The following ARHGAP8 variants were observed in gnomAD, a reference collection of about 807,000 sequenced individuals.
The protein encoded by ARHGAP8 is rho GTPase-activating protein 8.
Under a neutral mutation model 46.1 loss-of-function variants are expected in ARHGAP8, and 62 were observed. The ratio of observed to expected loss-of-function variants is 1.34; its 90% CI spans 1.10 to 1.66. ARHGAP8 has a LOEUF of 1.66. ARHGAP8 is among the 40% of genes most tolerant of loss of function. The pLI, the probability that ARHGAP8 is intolerant of heterozygous loss-of-function variation, is 0.00. For synonymous variants in ARHGAP8, 375 were observed against 243.1 expected (o/e 1.54, Z -5.05); for missense variants, 923 against 568.4 (o/e 1.62, Z -6.34).
At chr22:44,760,118 G>A (rs1189074035) in intron 1 of ARHGAP8, among the ~76,000 whole-genome samples, 2 of 152,208 alleles carry the variant, frequency 1.3e-5, no homozygotes, top group African/African-American at 4.8e-5. Flanking sequence ...CTTCGCTGCC[G>A]CCACCTTCGG....
intron 1 of ARHGAP8, among the ~76,000 whole-genome samples, chr22:44,778,955 A>ACTG (rs756228221): frequency 6.6e-6 from 1 of 151,796 alleles, no homozygotes; most frequent in Admixed American, 6.6e-5. Context: ...TTCACCCATA[A>ACTG]TGAGTGAACC....
chr22:44,761,198 C>A (rs185001298), intron 1 of ARHGAP8, among the ~76,000 whole-genome samples: 1 of 152,150 alleles, frequency 6.6e-6, no homozygotes. Flanking sequence ...AAAAGGATCA[C>A]GGAAATAAGT....
At chr22:44,845,019 C>T (rs535555488) in intron 7 of ARHGAP8, among the ~76,000 whole-genome samples, 1 of 152,244 alleles carries the variant, frequency 6.6e-6, no homozygotes, top group East Asian at 1.9e-4. Flanking sequence ...CTGGGGAAGC[C>T]CTCCCCAAAC....
chr22:44,797,343 T>C (rs925425595), intron 2 of ARHGAP8, among the ~76,000 whole-genome samples: 1 of 152,106 alleles, frequency 6.6e-6, no homozygotes, highest in Non-Finnish European at 1.5e-5. Flanking sequence ...AGTTGTTCTT[T>C]CCTCTGTTAT....
chr22:44,846,675 C>G (rs1258692554), intron 8 of ARHGAP8, among the ~76,000 whole-genome samples: 1 of 152,196 alleles, frequency 6.6e-6, no homozygotes, highest in Non-Finnish European at 1.5e-5. Context: ...GCCCCTCTCC[C>G]AGGCAGAACT....
chr22:44,763,879 C>T (rs1409923620), intron 1 of ARHGAP8, among the ~76,000 whole-genome samples: 31 of 148,992 alleles, frequency 2.1e-4, no homozygotes, highest in Admixed American at 1.6e-3. Flanking sequence ...GGCACAATCT[C>T]GGCTTACTGC....
chr22:44,833,096 C>CTTTTCTTTTCTTTTCTTT (rs535842585), intron 7 of ARHGAP8, among the ~76,000 whole-genome samples: 3 of 120,432 alleles, frequency 2.5e-5, no homozygotes. Flanking sequence ...CTTTTCTTTT[C>CTTTTCTTTTCTTTTCTTT]TTTTTTTTTT....
intron 1 of ARHGAP8, among the ~76,000 whole-genome samples, chr22:44,752,996 CT>C (rs1010285435): frequency 3.3e-5 from 5 of 152,000 alleles, no homozygotes; most frequent in African/African-American, 1.2e-4. Flanking sequence ...TCAAATGTTC[CT>C]TTTTTGCTTC....
At chr22:44,831,376 G>T (rs982603607) in intron 7 of ARHGAP8, among the ~76,000 whole-genome samples, 1 of 152,112 alleles carries the variant, frequency 6.6e-6, no homozygotes, top group African/African-American at 2.4e-5. Context: ...GCTTCTTTGC[G>T]TGTTGTTACA....
intron 6 of ARHGAP8, 95 bp downstream of exon 6, chr22:44,822,564 C>G (rs1238105242): frequency 1.8e-6 from 2 of 1,142,460 alleles, no homozygotes; most frequent in East Asian, 5.8e-5. Context: ...GCTTGATTTC[C>G]AAATGTGTGC....
At chr22:44,759,390 G>A (rs1356192338) in intron 1 of ARHGAP8, among the ~76,000 whole-genome samples, 1 of 152,198 alleles carries the variant, frequency 6.6e-6, no homozygotes, top group Non-Finnish European at 1.5e-5. Context: ...GGTAGGCAGG[G>A]CACCTGGAGC....
At chr22:44,859,099 T>C (rs1383718929) in intron 10 of ARHGAP8, among the ~76,000 whole-genome samples, 2 of 152,110 alleles carry the variant, frequency 1.3e-5, no homozygotes, top group African/African-American at 4.8e-5. Flanking sequence ...CTCCCATTTA[T>C]AAAGTGATTC....
At chr22:44,861,072 C>T (rs1483134943) in intron 11 of ARHGAP8, among the ~76,000 whole-genome samples, 1 of 152,316 alleles carries the variant, frequency 6.6e-6, no homozygotes, top group East Asian at 1.9e-4. Flanking sequence ...GGTGCAATCT[C>T]AGCTCACTGC....
At chr22:44,841,136 G>A (rs1931624066) in intron 7 of ARHGAP8, among the ~76,000 whole-genome samples, 2 of 152,204 alleles carry the variant, frequency 1.3e-5, no homozygotes, top group Admixed American at 6.5e-5. Flanking sequence ...CGTGGCCCTC[G>A]TAGGGAACGG....
chr22:44,818,897 C>G (rs1929940316), intron 5 of ARHGAP8, among the ~76,000 whole-genome samples: 1 of 152,018 alleles, frequency 6.6e-6, no homozygotes. Context: ...CAGGGTCTCG[C>G]TATGTTGCCC....
chr22:44,824,723 C>T (rs1232872452), intron 6 of ARHGAP8, among the ~76,000 whole-genome samples: 1 of 151,240 alleles, frequency 6.6e-6, no homozygotes, highest in Non-Finnish European at 1.5e-5. Flanking sequence ...ACCTCCACCT[C>T]CTGGGTTCAA....
chr22:44,858,315 G>A lies in ARHGAP8; in HGVS notation c.878-1416G>A, dbSNP rs866723138. 3.3e-5 allele frequency among the ~76,000 whole-genome samples: 5 copies of A among 150,102 alleles called. No individual in the cohort carries two copies. In the South Asian group the frequency reaches 1.0e-3, roughly 31 times the overall value. ...GCTGAGTGCACACATGTGCATACAT[G>A]TTCACACATGCACCCGCAGCGGGAA... On this transcript the variant is annotated intron_variant, in intron 10 of 11. Transcript: ENST00000356099.
intron 1 of ARHGAP8, among the ~76,000 whole-genome samples, chr22:44,784,742 G>A (rs1421551623): frequency 6.6e-6 from 1 of 152,216 alleles, no homozygotes; most frequent in Non-Finnish European, 1.5e-5. Context: ...AGGGTCCAGG[G>A]AGCGGGATGT....
rs374557269 is a variant in ARHGAP8, at chr22:44,862,693, A to C, written c.*98A>C. Reference sequence around the variant, plus strand: ...GCATCTGTAAAAATAACCAGCCATTAGATGAATTCAGAACCTTCTAATGAA... The same window carrying C: ...GCATCTGTAAAAATAACCAGCCATTCGATGAATTCAGAACCTTCTAATGAA... On this transcript the variant is annotated 3_prime_UTR_variant, in exon 12 of 12. Coordinates refer to ENST00000356099, the MANE Select transcript of ARHGAP8 (RefSeq NM_181335.3). 67 of 1,380,180 alleles carry C rather than the reference A, an allele frequency of 4.9e-5. No individual in the cohort carries two copies. In the African/African-American group the frequency reaches 9.2e-4, roughly 19 times the overall value. The allele number at this position is 1,380,180 out of a possible 1,614,324, so 85.5% of individuals were successfully genotyped here.
Sources: gnomAD v4.1 joint callset for allele counts (sites outside exome capture counted in the v4.1 genomes callset) on GRCh38, gnomAD v4.1.1 for gene constraint, MANE v1.5 for transcripts, NCBI Gene and HGNC (gene_info 2026-07-23, HGNC 2026-07-21) for gene names.